Variants in PSPH observed in about 807,000 individuals in gnomAD.
PSPH encodes the protein phosphoserine phosphatase.
PSPH carries 16 observed loss-of-function variants against 23.4 expected under a neutral mutation model. That is an observed-to-expected ratio of 0.68 (90% CI 0.46 to 1.04). PSPH has a LOEUF of 1.04. Ranked by LOEUF, PSPH falls within the 50% of genes least tolerant of loss-of-function variation. PSPH has a pLI of 0.00. For missense variants in PSPH, 223 were observed against 273.7 expected (o/e 0.81, Z 1.31); for synonymous variants, 68 against 99.7 (o/e 0.68, Z 1.89).
At chr7:56,029,013 C>A (rs1200506781) in intron 3 of PSPH, among the ~76,000 whole-genome samples, 2 of 151,856 alleles carry the variant, frequency 1.3e-5, no homozygotes, top group East Asian at 3.9e-4. Context: ...TGGGGTTTCA[C>A]CATATTGGCC....
chr7:56,015,762 C>A (rs1210006108), intron 6 of PSPH, among the ~76,000 whole-genome samples: 1 of 151,920 alleles, frequency 6.6e-6, no homozygotes, highest in Non-Finnish European at 1.5e-5. Flanking sequence ...AGGTTCAAAC[C>A]ATTCTCGTGT....
intron 1 of PSPH, among the ~76,000 whole-genome samples, chr7:56,046,765 CAG>C (rs759924020): frequency 2.3e-4 from 29 of 126,878 alleles, no homozygotes; most frequent in Admixed American, 2.0e-3. Context: ...GCCTGGGCAA[CAG>C]AGTGAGAATG....
chr7:56,029,881 G>A (rs1482253173), intron 3 of PSPH, among the ~76,000 whole-genome samples: 1 of 151,544 alleles, frequency 6.6e-6, no homozygotes, highest in African/African-American at 2.4e-5. Flanking sequence ...GGAGGCTGAG[G>A]CAGGAGAATT....
At chr7:56,049,086 AT>A (rs912829666) in intron 1 of PSPH, among the ~76,000 whole-genome samples, 35 of 144,340 alleles carry the variant, frequency 2.4e-4, no homozygotes, top group Admixed American at 2.8e-4. Flanking sequence ...TGCCCAGCTA[AT>A]TTTTTTTTTT....
In PSPH at chr7:56,024,379, T is replaced by C. The variant is rs1485391372; in HGVS notation, c.-19-3148A>G. Among the ~76,000 whole-genome samples, 4 of 152,044 alleles carry C rather than the reference T, an allele frequency of 2.6e-5. No individual in the cohort carries two copies. In the East Asian group the frequency reaches 7.7e-4, roughly 29 times the overall value. Reference sequence around the variant, plus strand: ...GGTGTGAGCCACCACGACTGGCTGATTTTTACATTTTAAACAGTTGAAAAA... The same window carrying C: ...GGTGTGAGCCACCACGACTGGCTGACTTTTACATTTTAAACAGTTGAAAAA... On this transcript the variant is annotated intron_variant, in intron 3 of 7. Coordinates refer to ENST00000275605, the MANE Select transcript of PSPH (RefSeq NM_004577.4).
At chr7:56,031,416 T>TA (rs1790990253) in intron 3 of PSPH, among the ~76,000 whole-genome samples, 1 of 152,118 alleles carries the variant, frequency 6.6e-6, no homozygotes, top group Non-Finnish European at 1.5e-5. Context: ...TCCTTAAAGC[T>TA]AAAATAAAAG....
intron 1 of PSPH, chr7:56,043,275 A>G (rs1036396620): frequency 6.6e-6 from 1 of 151,882 alleles, no homozygotes; most frequent in Non-Finnish European, 1.5e-5. Flanking sequence ...TCTCAAAAAA[A>G]AAAAGACAGC....
At chr7:56,023,108 G>A (rs1789693582) in intron 3 of PSPH, among the ~76,000 whole-genome samples, 1 of 151,782 alleles carries the variant, frequency 6.6e-6, no homozygotes, top group African/African-American at 2.4e-5. Flanking sequence ...ATAGAGAGAG[G>A]GAGAAGAAAA....
chr7:56,014,742 G>A (rs529318313), intron 7 of PSPH, among the ~76,000 whole-genome samples: 1 of 152,196 alleles, frequency 6.6e-6, no homozygotes, highest in East Asian at 1.9e-4. Flanking sequence ...TCAGGAGTTC[G>A]AGACCAGCAT....
rs1160520229 is a variant in PSPH, at chr7:56,011,836, T to G, written c.604A>C (p.Arg202=). Residue 202 remains arginine (R), a synonymous_variant, in exon 8 of 8, where the codon AGG becomes CGG. Coordinates refer to ENST00000275605, the MANE Select transcript of PSPH (RefSeq NM_004577.4). ...TTGGCGTTATCCTTGACTTGTTGCC[T>G]GATCACATTTCCTCCAAATCCAATG... ...AFIGFGGNVI[R]QQVKDNAKWY... The G allele has an allele frequency of 6.2e-7, 1 of 1,612,720 alleles. No homozygotes were observed. Among genetic ancestry groups the G allele is most frequent in the Non-Finnish European group, 8.5e-7 (1 of 1,178,936 alleles).
chr7:56,029,600 T>C (rs953927129), intron 3 of PSPH, among the ~76,000 whole-genome samples: 11 of 152,160 alleles, frequency 7.2e-5, no homozygotes, highest in Admixed American at 5.2e-4. Context: ...GGTCTGATTT[T>C]GGATAAGAGG....
At position 56,038,843 on chromosome 7, in the gene PSPH, A is replaced by C. The variant is rs552924448; in HGVS notation, c.-291-4737T>G. On this transcript the variant is annotated intron_variant, in intron 1 of 7. Coordinates refer to ENST00000275605, the MANE Select transcript of PSPH (RefSeq NM_004577.4). ...GTGACAGAGTGAGACTCCGTCCCCC[A>C]AAAAAAAGAAAAAAATGAGGCTGGG... 6.7e-4 allele frequency among the ~76,000 whole-genome samples: 101 copies of C among 151,700 alleles called. 2 individuals are homozygous for C. The highest frequency in any genetic ancestry group is 5.9e-4 in the Admixed American group (9 of 15,146).
chr7:56,039,879 A>G (rs911043002), intron 1 of PSPH, among the ~76,000 whole-genome samples: 16 of 151,548 alleles, frequency 1.1e-4, no homozygotes, highest in African/African-American at 3.9e-4. Context: ...TGGGCGGATC[A>G]CGAGGTCAGG....
At chr7:56,034,353 C>A (rs964372995) in intron 1 of PSPH, among the ~76,000 whole-genome samples, 1 of 152,162 alleles carries the variant, frequency 6.6e-6, no homozygotes, top group Admixed American at 6.5e-5. Flanking sequence ...CTGCTCCGCG[C>A]TGCCGCCACC....
intron 1 of PSPH, among the ~76,000 whole-genome samples, chr7:56,044,760 C>A (rs746485230): frequency 6.6e-6 from 1 of 151,414 alleles, no homozygotes; most frequent in African/African-American, 2.4e-5. Context: ...ATGATTGTGC[C>A]GCTGCACTTT....
At chr7:56,018,300 C>T (rs573277232) in intron 5 of PSPH, among the ~76,000 whole-genome samples, 3 of 152,054 alleles carry the variant, frequency 2.0e-5, no homozygotes, top group African/African-American at 7.2e-5. Context: ...GCCGAGACTG[C>T]ACCACTGCAC....
intron 7 of PSPH, 22 bp downstream of exon 7, chr7:56,015,001 A>AG: frequency 6.3e-7 from 1 of 1,586,710 alleles, no homozygotes; most frequent in East Asian, 2.2e-5. Context: ...CCTGAAAAAA[A>AG]ATTAGCACCC....
intron 1 of PSPH, among the ~76,000 whole-genome samples, chr7:56,034,811 C>T (rs1791517633): frequency 6.6e-6 from 1 of 152,150 alleles, no homozygotes. Context: ...CCACCACGCC[C>T]GGCCAAGACT....
chr7:56,019,533 T>C (rs903203658), intron 5 of PSPH, 67 bp downstream of exon 5: 1 of 1,595,948 alleles, frequency 6.3e-7, no homozygotes. Context: ...AATAGTTAGA[T>C]GCTCTTGGGA....
Sources: gnomAD v4.1 joint callset for allele counts (sites outside exome capture counted in the v4.1 genomes callset) on GRCh38, gnomAD v4.1.1 for gene constraint, MANE v1.5 for transcripts, NCBI Gene and HGNC (gene_info 2026-07-23, HGNC 2026-07-21) for gene names.